DPF3: variants seen among roughly 807,000 people sequenced by gnomAD.
DPF3 encodes double PHD fingers 3.
DPF3 carries 18 observed loss-of-function variants against 56.8 expected under a neutral mutation model. The observed-to-expected ratio is 0.32, with a 90% CI of 0.22 to 0.47. The LOEUF is 0.47. Among genes scored for constraint, DPF3 ranks in the 20% least tolerant of loss-of-function variants. The pLI is 1.00. For missense variants in DPF3, 403 were observed against 488.8 expected (o/e 0.82, Z 1.65); for synonymous variants, 188 against 180.2 (o/e 1.04, Z -0.35).
At position 72,756,928 on chromosome 14, in the gene DPF3, A is replaced by AAGAAAGAAAGAAAGAAAGAAGAGAAG. The variant is rs1428028523; in HGVS notation, c.194-3558_194-3557insCTTCTCTTCTTTCTTTCTTTCTTTCT. ...AAAAAAAGAAAGAAAGAAAGAAAGA[A>AAGAAAGAAAGAAAGAAAGAAGAGAAG]AGAAGAGAAGAGAAGAGAAAGGGAG... On this transcript the variant is annotated intron_variant, in intron 2 of 10. Coordinates refer to ENST00000556509, the MANE Select transcript of DPF3 (RefSeq NM_001280542.3). Among the ~76,000 whole-genome samples, 356 of 139,136 alleles carry AAGAAAGAAAGAAAGAAAGAAGAGAAG rather than the reference A, an allele frequency of 2.6e-3. 4 individuals carry two copies. Among genetic ancestry groups the AAGAAAGAAAGAAAGAAAGAAGAGAAG allele is most frequent in the African/African-American group, 0.01 (331 of 32,322 alleles). 91.3% of individuals were successfully genotyped at this position (139,136 alleles called of 152,430 possible).
chr14:72,668,071 G>A lies in DPF3; in HGVS notation c.871+6169C>T, dbSNP rs79397291. 8.2e-3 allele frequency among the ~76,000 whole-genome samples: 1,254 copies of A among 152,232 alleles called. 24 individuals are homozygous for A. Among genetic ancestry groups the A allele is most frequent in the African/African-American group, 0.028 (1,171 of 41,548 alleles). ...TTAAGTGAAATATTCCAAGGAAAGC[G>A]CCCAGAATAATGCCTCACACAAAAA... On this transcript the variant is annotated intron_variant, in intron 8 of 10. Transcript: ENST00000556509.
Position 72,718,329 on chromosome 14 carries a change from A to G in DPF3, c.526-3828T>C, listed in dbSNP as rs1042372224. On this transcript the variant is annotated intron_variant, in intron 5 of 10. Transcript: ENST00000556509. ...AGGACAGACTCGGTCCCAAGCAGAG[A>G]GCTAGATCTTCTATACCAGTTGTTC... is the stretch of plus-strand genomic sequence containing the variant. Among the ~76,000 whole-genome samples the G allele has an allele frequency of 7.9e-5, 12 of 152,166 alleles. 1 individual carries two copies. The highest frequency in any genetic ancestry group is 2.9e-4 in the African/African-American group (12 of 41,434).
intron 1 of DPF3, among the ~76,000 whole-genome samples, chr14:72,890,482 C>A (rs184091819): frequency 2.0e-4 from 16 of 79,626 alleles, no homozygotes; most frequent in East Asian, 5.6e-4. Context: ...CAGAGCAACA[C>A]CCTGTCTCAA....
intron 2 of DPF3, among the ~76,000 whole-genome samples, chr14:72,753,717 C>T (rs563795728): frequency 6.6e-6 from 1 of 152,272 alleles, no homozygotes; most frequent in South Asian, 2.1e-4. Context: ...GATCTCTATC[C>T]ACTGCCCCTC....
intron 7 of DPF3, among the ~76,000 whole-genome samples, chr14:72,674,961 C>T (rs1236357225): frequency 3.3e-5 from 5 of 152,216 alleles, no homozygotes; most frequent in Non-Finnish European, 5.9e-5. Flanking sequence ...GTCTCATCTC[C>T]CTGAAGTCCA....
chr14:72,877,493 T>C (rs1158891865), intron 1 of DPF3, among the ~76,000 whole-genome samples: 1 of 152,166 alleles, frequency 6.6e-6, no homozygotes, highest in Non-Finnish European at 1.5e-5. Context: ...TGAGAACAAA[T>C]GACCAGCAGG....
chr14:72,772,990 G>A (rs1465441706), intron 1 of DPF3, among the ~76,000 whole-genome samples: 1 of 152,062 alleles, frequency 6.6e-6, no homozygotes, highest in Non-Finnish European at 1.5e-5. Flanking sequence ...TTATTCTGAA[G>A]CAACATTATG....
intron 6 of DPF3, among the ~76,000 whole-genome samples, chr14:72,704,990 C>T (rs1478655871): frequency 1.3e-5 from 2 of 152,164 alleles, no homozygotes; most frequent in Non-Finnish European, 2.9e-5. Flanking sequence ...TACAGATCAA[C>T]CTTCCTAGAG....
At chr14:72,798,220 C>G (rs2139995831) in intron 1 of DPF3, among the ~76,000 whole-genome samples, 2 of 122,564 alleles carry the variant, frequency 1.6e-5, no homozygotes, top group Non-Finnish European at 3.2e-5. Flanking sequence ...CACCACGGCA[C>G]TCTAGCCAGG....
At position 72,685,176 on chromosome 14, in the gene DPF3, C is replaced by CA. The variant is rs553275122; in HGVS notation, c.742+7899dup. 9.3e-4 allele frequency among the ~76,000 whole-genome samples: 142 copies of CA among 152,320 alleles called. 3 individuals carry two copies. In the South Asian group the frequency reaches 0.029, roughly 31 times the overall value. On this transcript the variant is annotated intron_variant, in intron 7 of 10. Coordinates refer to ENST00000556509, the MANE Select transcript of DPF3 (RefSeq NM_001280542.3). ...TGAAAAGCCACAATGCAGCATGATG[C>CA]ATTAGACAACTGGTCTTGAGGCAAA...
At chr14:72,799,081 GCAA>G (rs150711004) in intron 1 of DPF3, among the ~76,000 whole-genome samples, 2 of 152,268 alleles carry the variant, frequency 1.3e-5, no homozygotes, top group East Asian at 3.9e-4. Context: ...ATCAGGGACA[GCAA>G]CTCAAACCAC....
intron 1 of DPF3, among the ~76,000 whole-genome samples, chr14:72,849,295 C>T (rs1884879709): frequency 6.6e-6 from 1 of 152,200 alleles, no homozygotes; most frequent in African/African-American, 2.4e-5. Flanking sequence ...CTTCTCTGTG[C>T]ATGATTGGTG....
intron 2 of DPF3, among the ~76,000 whole-genome samples, chr14:72,755,595 A>G (rs1383651887): frequency 5.3e-5 from 8 of 152,168 alleles, no homozygotes; most frequent in Admixed American, 5.2e-4. Flanking sequence ...TTCAAGAGAA[A>G]GCTCTCTATA....
Position 72,715,731 on chromosome 14 carries a change from A to T in DPF3, c.526-1230T>A, listed in dbSNP as rs1358693323. Among the ~76,000 whole-genome samples the T allele has an allele frequency of 3.3e-5, 5 of 151,572 alleles. No homozygotes were observed. The East Asian group carries it at 9.8e-4, about 30-fold the overall frequency. Reference sequence around the variant, plus strand: ...TGCAACACACCCACTCAGAAAACACACCCACTTCCCAATCAACACCACCTG... The same window carrying T: ...TGCAACACACCCACTCAGAAAACACTCCCACTTCCCAATCAACACCACCTG... On this transcript the variant is annotated intron_variant, in intron 5 of 10. Transcript: ENST00000556509.
intron 8 of DPF3, 93 bp from the exon 9 acceptor site, chr14:72,629,829 C>T: frequency 9.6e-7 from 1 of 1,040,292 alleles, no homozygotes; most frequent in Non-Finnish European, 1.4e-6. Context: ...GCCCAGTGTG[C>T]AGGCAGGGCA....
In DPF3 at chr14:72,753,247, C is replaced by T. The variant is rs1890652644; in HGVS notation, c.301+17G>A. ...CTTTCCCATCACAGACCCAGCCAAGCTCCAGAGGGCACTGACCAGGTTTTA... is the reference window on the plus strand; with the variant it reads ...CTTTCCCATCACAGACCCAGCCAAGTTCCAGAGGGCACTGACCAGGTTTTA... On this transcript the variant is annotated intron_variant, in intron 3 of 10. Transcript: ENST00000556509. The T allele has an allele frequency of 1.2e-6, 2 of 1,611,494 alleles. No homozygotes were observed. Among genetic ancestry groups the T allele is most frequent in the African/African-American group, 1.3e-5 (1 of 74,898 alleles).
At chr14:72,690,287 G>A (rs533032164) in intron 7 of DPF3, among the ~76,000 whole-genome samples, 40 of 151,986 alleles carry the variant, frequency 2.6e-4, no homozygotes, top group Non-Finnish European at 2.6e-4. Flanking sequence ...ACGAGGGCTC[G>A]TGAGAAGATC....
In DPF3 at chr14:72,624,333, C is replaced by CTTTTTT. The variant is rs55820708; in HGVS notation, c.985-4355_985-4350dup. 1.3e-3 allele frequency among the ~76,000 whole-genome samples: 130 copies of CTTTTTT among 97,786 alleles called. 2 individuals are homozygous for CTTTTTT. Among genetic ancestry groups the CTTTTTT allele is most frequent in the Non-Finnish European group, 2.1e-3 (112 of 52,106 alleles). 64.2% of individuals were successfully genotyped at this position (97,786 alleles called of 152,430 possible). On this transcript the variant is annotated intron_variant, in intron 9 of 10. Coordinates refer to ENST00000556509, the MANE Select transcript of DPF3 (RefSeq NM_001280542.3). Reference sequence around the variant, plus strand: ...TTCTCCAGTTTTCCCACCTATGTCTCTTTTTTTTTTTTTTTTTTTTTCTGA... The same window carrying CTTTTTT: ...TTCTCCAGTTTTCCCACCTATGTCTCTTTTTTTTTTTTTTTTTTTTTTTTTTTCTGA...
chr14:72,653,897 A>G (rs1599330288), intron 8 of DPF3, among the ~76,000 whole-genome samples: 1 of 152,196 alleles, frequency 6.6e-6, no homozygotes, highest in East Asian at 1.9e-4. Flanking sequence ...AAGACAGGAG[A>G]AACTGGGGTT....
Sources: gnomAD v4.1 joint callset for allele counts (sites outside exome capture counted in the v4.1 genomes callset) on GRCh38, gnomAD v4.1.1 for gene constraint, MANE v1.5 for transcripts, NCBI Gene and HGNC (gene_info 2026-07-23, HGNC 2026-07-21) for gene names.